Variants in ARSB observed in about 807,000 individuals in gnomAD.
ARSB encodes the protein arylsulfatase B, also known as N-acetylgalactosamine-4-sulfatase.
Under a neutral mutation model 50.9 loss-of-function variants are expected in ARSB, and 41 were observed. The observed-to-expected ratio is 0.81, with a 90% CI of 0.63 to 1.04. ARSB has a LOEUF of 1.04. Among genes scored for constraint, ARSB ranks in the 50% least tolerant of loss-of-function variants. The pLI is 0.00. For missense variants in ARSB, 672 were observed against 693.3 expected, an observed-to-expected ratio of 0.97 and a Z score of 0.35; for synonymous variants, 269 against 284.8, an observed-to-expected ratio of 0.94 and a Z score of 0.56.
intron 4 of ARSB, among the ~76,000 whole-genome samples, chr5:78,920,042 G>GA (rs35496004): frequency 0.24 from 36,344 of 151,878 alleles, 4,723 homozygotes; most frequent in Admixed American, 0.32. Flanking sequence ...CATTTTCAGG[G>GA]AAAAAAAGGC....
intron 7 of ARSB, among the ~76,000 whole-genome samples, chr5:78,781,393 C>T (rs943124821): frequency 8.6e-6 from 1 of 116,786 alleles, no homozygotes; most frequent in African/African-American, 3.4e-5. Flanking sequence ...TCTCCTCATT[C>T]AGCAGCCCCA....
chr5:78,978,141 C>A (rs754989502), intron 1 of ARSB, among the ~76,000 whole-genome samples: 72 of 152,110 alleles, frequency 4.7e-4, no homozygotes, highest in Non-Finnish European at 2.5e-4. Flanking sequence ...GAGTTCAAGA[C>A]CAGCCTGGCC....
chr5:78,976,208 A>G (rs994849250), intron 1 of ARSB, among the ~76,000 whole-genome samples: 3 of 146,986 alleles, frequency 2.0e-5, no homozygotes, highest in Non-Finnish European at 3.0e-5. Flanking sequence ...CTACATGTTT[A>G]TATTTTTTAC....
chr5:78,788,709 T>C (rs1749164117), intron 6 of ARSB, among the ~76,000 whole-genome samples: 1 of 152,210 alleles, frequency 6.6e-6, no homozygotes, highest in South Asian at 2.1e-4. Flanking sequence ...CAAATGATCC[T>C]CCTACCTCAG....
chr5:78,963,311 C>A lies in ARSB; in HGVS notation c.690+1105G>T, dbSNP rs1441064738. 6.6e-5 allele frequency among the ~76,000 whole-genome samples: 10 copies of A among 152,226 alleles called. No individual in the cohort carries two copies. The East Asian group carries it at 1.9e-3, about 29-fold the overall frequency. ...GCTTCTTGTAGAGTCTGCAGCACCA[C>A]GAGCCAAATAAACCTCTTTTCTTTA... On this transcript the variant is annotated intron_variant, in intron 3 of 7. Transcript: ENST00000264914.
At chr5:78,983,232 T>G (rs562501512) in intron 1 of ARSB, among the ~76,000 whole-genome samples, 7 of 152,216 alleles carry the variant, frequency 4.6e-5, no homozygotes, top group African/African-American at 1.7e-4. Flanking sequence ...TTTTGTAGTT[T>G]TAGTAGAGAC....
At chr5:78,791,502 G>C (rs1278246003) in intron 6 of ARSB, among the ~76,000 whole-genome samples, 1 of 152,220 alleles carries the variant, frequency 6.6e-6, no homozygotes, top group Non-Finnish European at 1.5e-5. Context: ...TCATGTGCCA[G>C]CTAGTCAGAG....
At chr5:78,890,103 A>T (rs867071467) in intron 4 of ARSB, among the ~76,000 whole-genome samples, 13 of 152,172 alleles carry the variant, frequency 8.5e-5, no homozygotes, top group African/African-American at 1.9e-4. Context: ...ATTTTTTTTT[A>T]AATTACTGAG....
chr5:78,941,937 T>C (rs189296257), intron 4 of ARSB, among the ~76,000 whole-genome samples: 3 of 152,366 alleles, frequency 2.0e-5, no homozygotes, highest in African/African-American at 7.2e-5. Context: ...TGGTAAGCTA[T>C]TGATTATTGT....
chr5:78,971,040 T>C lies in ARSB; in HGVS notation c.313-1848A>G, dbSNP rs1057391451. 2.6e-5 allele frequency among the ~76,000 whole-genome samples: 4 copies of C among 152,140 alleles called. No homozygotes were observed. In the East Asian group the frequency reaches 5.8e-4, roughly 22 times the overall value. On this transcript the variant is annotated intron_variant, in intron 1 of 7. Transcript: ENST00000264914. ...CAGTGACCAGAATAAAGTGAGGCAG[T>C]GAGACTTGGAGAAATCCGGGGTAAG...
At chr5:78,808,765 C>T (rs1178314037) in intron 6 of ARSB, among the ~76,000 whole-genome samples, 2 of 152,214 alleles carry the variant, frequency 1.3e-5, no homozygotes, top group Admixed American at 6.5e-5. Context: ...GACAGGTCAG[C>T]GCTCCTGCCT....
chr5:78,932,119 A>C (rs191149725), intron 4 of ARSB, among the ~76,000 whole-genome samples: 1 of 152,206 alleles, frequency 6.6e-6, no homozygotes, highest in African/African-American at 2.4e-5. Flanking sequence ...AGATGGCTGC[A>C]TATGTATCAA....
intron 5 of ARSB, 186 bp downstream of exon 5, chr5:78,885,398 A>C: frequency 1.2e-6 from 1 of 853,854 alleles, no homozygotes; most frequent in Non-Finnish European, 1.7e-6. Flanking sequence ...CAGGCCCACA[A>C]TCTCAAATTT....
chr5:78,860,599 A>G (rs1746385046), intron 5 of ARSB, among the ~76,000 whole-genome samples: 1 of 152,240 alleles, frequency 6.6e-6, no homozygotes, highest in Non-Finnish European at 1.5e-5. Flanking sequence ...CCTCTGGGAC[A>G]CATTTAAAGC....
chr5:78,852,928 C>G (rs1313240189), intron 5 of ARSB, among the ~76,000 whole-genome samples: 2 of 152,198 alleles, frequency 1.3e-5, no homozygotes, highest in Non-Finnish European at 2.9e-5. Context: ...AAGCACTTCT[C>G]TGTATTGGTT....
At chr5:78,957,264 G>T (rs1297956521) in intron 3 of ARSB, among the ~76,000 whole-genome samples, 1 of 152,136 alleles carries the variant, frequency 6.6e-6, no homozygotes, top group African/African-American at 2.4e-5. Context: ...GAATGAAAAT[G>T]GTTAGAAACA....
rs144794407 is a variant in ARSB at position 78,956,068 on chromosome 5, T to C, written c.691-566A>G. Reference sequence around the variant, plus strand: ...CAAAGCATACATCCACCCAAAAACTTCCATGAATATTCACTGCAACATTAT... The same window carrying C: ...CAAAGCATACATCCACCCAAAAACTCCCATGAATATTCACTGCAACATTAT... On this transcript the variant is annotated intron_variant, in intron 3 of 7. Transcript: ENST00000264914. 2.5e-3 allele frequency among the ~76,000 whole-genome samples: 374 copies of C among 152,200 alleles called. 1 individual carries two copies. The highest frequency in any genetic ancestry group is 8.6e-3 in the African/African-American group (358 of 41,504).
chr5:78,812,003 A>T (rs533786457), intron 6 of ARSB, among the ~76,000 whole-genome samples: 3 of 152,190 alleles, frequency 2.0e-5, no homozygotes, highest in Non-Finnish European at 4.4e-5. Context: ...TTTTTGGCCA[A>T]GTGCTGCCTA....
intron 1 of ARSB, among the ~76,000 whole-genome samples, chr5:78,976,443 G>C (rs1304816151): frequency 6.6e-6 from 1 of 151,812 alleles, no homozygotes; most frequent in Non-Finnish European, 1.5e-5. Context: ...AGTCTCCTGT[G>C]TAGCTGGGAC....
Sources: gnomAD v4.1 joint callset for allele counts (sites outside exome capture counted in the v4.1 genomes callset) on GRCh38, gnomAD v4.1.1 for gene constraint, MANE v1.5 for transcripts, NCBI Gene and HGNC (gene_info 2026-07-23, HGNC 2026-07-21) for gene names.